Variants in SASH1 observed in about 807,000 individuals in gnomAD.
SASH1 encodes SAM and SH3 domain containing 1.
A neutral mutation model predicts 125.2 loss-of-function variants in SASH1; 44 were observed. The ratio of observed to expected loss-of-function variants is 0.35; its 90% CI spans 0.28 to 0.45. SASH1 has a LOEUF of 0.45. Among genes scored for constraint, SASH1 ranks in the 20% least tolerant of loss-of-function variants. The probability of loss-of-function intolerance (pLI) is 1.00; values close to 1 mark genes in which losing one functional copy is unlikely to be tolerated. For missense variants in SASH1, 1,426 were observed against 1,614.5 expected (o/e 0.88, Z 2.00); for synonymous variants, 639 against 649.1 (o/e 0.98, Z 0.24).
chr6:148,369,971 A>AAC lies in SASH1; in HGVS notation c.157-20162_157-20161insCA, dbSNP rs1782645603. On this transcript the variant is annotated intron_variant, in intron 1 of 19. Coordinates refer to ENST00000367467, the MANE Select transcript of SASH1 (RefSeq NM_015278.5). ...TGTCTCAAAAAAAAGAAAAACAAAA[A>AAC]AAAAAAAAAAAAAAAGGAAAGAAAA... Among the ~76,000 whole-genome samples, 5 of 149,056 alleles carry AAC rather than the reference A, an allele frequency of 3.4e-5. No homozygotes were observed. In the South Asian group the frequency reaches 1.1e-3, roughly 32 times the overall value.
chr6:148,238,487 G>A, the SASH1 span, among the ~76,000 whole-genome samples: 1 of 152,090 alleles, frequency 6.6e-6, no homozygotes, highest in Admixed American at 6.5e-5. Flanking sequence ...GCCTCCCAAA[G>A]TGCTGGGATT....
chr6:148,224,331 T>A, the SASH1 span, among the ~76,000 whole-genome samples: 1 of 151,618 alleles, frequency 6.6e-6, no homozygotes, highest in East Asian at 1.9e-4. Context: ...GTTGCCTTGA[T>A]GCCTTGATGA....
chr6:148,548,008 A>G (rs1463049395), intron 19 of SASH1, among the ~76,000 whole-genome samples: 2 of 152,228 alleles, frequency 1.3e-5, no homozygotes, highest in African/African-American at 4.8e-5. Context: ...GTGAAACAAA[A>G]TAGCAGAATA....
At chr6:148,411,689 A>G (rs1203632316) in intron 2 of SASH1, among the ~76,000 whole-genome samples, 1 of 152,034 alleles carries the variant, frequency 6.6e-6, no homozygotes, top group Non-Finnish European at 1.5e-5. Context: ...GATTATAGGC[A>G]TACACCACTA....
At chr6:148,352,040 A>G (rs968602628) in intron 1 of SASH1, among the ~76,000 whole-genome samples, 15 of 152,188 alleles carry the variant, frequency 9.9e-5, no homozygotes, top group Admixed American at 9.8e-4. Context: ...AAGAGTAACA[A>G]CCTTAATCTG....
intron 1 of SASH1, among the ~76,000 whole-genome samples, chr6:148,363,799 T>G (rs1463868337): frequency 6.6e-6 from 1 of 152,080 alleles, no homozygotes; most frequent in Non-Finnish European, 1.5e-5. Flanking sequence ...CTTACAAGAT[T>G]TGGAGAGTCA....
chr6:148,436,403 G>A (rs1466516408), intron 2 of SASH1, among the ~76,000 whole-genome samples: 1 of 152,048 alleles, frequency 6.6e-6, no homozygotes, highest in Non-Finnish European at 1.5e-5. Flanking sequence ...TACCTGGGAG[G>A]CTGAGGTGGA....
intron 8 of SASH1, chr6:148,508,807 A>T: frequency 2.8e-6 from 2 of 712,124 alleles, no homozygotes; most frequent in Non-Finnish European, 4.1e-6. Flanking sequence ...ACGCTCTCCG[A>T]GTGGGGAGGG....
the SASH1 span, among the ~76,000 whole-genome samples, chr6:148,261,804 C>T: frequency 5.3e-5 from 8 of 152,048 alleles, no homozygotes; most frequent in Non-Finnish European, 8.8e-5. Flanking sequence ...ATCAGTCAAA[C>T]AAGGAGTAGA....
intron 4 of SASH1, among the ~76,000 whole-genome samples, chr6:148,445,480 A>G (rs941727588): frequency 2.6e-5 from 4 of 152,238 alleles, no homozygotes; most frequent in African/African-American, 7.2e-5. Flanking sequence ...AAATAGCTTT[A>G]TAACTACAAC....
At chr6:148,506,569 C>A (rs1474179032) in intron 8 of SASH1, among the ~76,000 whole-genome samples, 6 of 152,170 alleles carry the variant, frequency 3.9e-5, no homozygotes, top group African/African-American at 1.2e-4. Context: ...AATACAACCA[C>A]AACGTAAGAA....
chr6:148,375,832 C>G (rs2114764240), intron 1 of SASH1, among the ~76,000 whole-genome samples: 1 of 152,234 alleles, frequency 6.6e-6, no homozygotes, highest in Admixed American at 6.5e-5. Context: ...AGGATGAACG[C>G]AACAGAGTTC....
intron 8 of SASH1, chr6:148,508,593 T>G: frequency 7.1e-6 from 8 of 1,134,002 alleles, no homozygotes; most frequent in Non-Finnish European, 7.7e-6. Flanking sequence ...ATGCCTTTCT[T>G]GCGAGTTATG....
At chr6:148,476,662 A>G (rs1778375233) in intron 7 of SASH1, among the ~76,000 whole-genome samples, 1 of 152,154 alleles carries the variant, frequency 6.6e-6, no homozygotes, top group Admixed American at 6.6e-5. Flanking sequence ...CGTGGGCGAG[A>G]GTGAGAATCC....
At chr6:148,514,242 C>A in intron 8 of SASH1, 82 bp from the exon 9 acceptor site, 1 of 1,526,744 alleles carries the variant, frequency 6.5e-7, no homozygotes. Flanking sequence ...TTCAGACTGG[C>A]AGCAAGGCCG....
At chr6:148,377,942 G>C (rs1782976002) in intron 1 of SASH1, among the ~76,000 whole-genome samples, 2 of 152,168 alleles carry the variant, frequency 1.3e-5, no homozygotes, top group African/African-American at 4.8e-5. Flanking sequence ...AGGAAAATGA[G>C]GCCGTACACA....
chr6:148,465,987 A>G (rs1777820934), intron 4 of SASH1, among the ~76,000 whole-genome samples: 1 of 151,934 alleles, frequency 6.6e-6, no homozygotes, highest in African/African-American at 2.4e-5. Flanking sequence ...GTGTTCATCC[A>G]TGTACCTTAC....
upstream of SASH1, among the ~76,000 whole-genome samples, chr6:148,267,505 A>G (rs996193705): frequency 5.3e-5 from 8 of 151,858 alleles, no homozygotes; most frequent in Non-Finnish European, 1.2e-4. Flanking sequence ...CAGCCTCCCG[A>G]GTAGCTGGGA....
the SASH1 span, among the ~76,000 whole-genome samples, chr6:148,229,357 A>G: frequency 6.6e-6 from 1 of 152,270 alleles, no homozygotes; most frequent in African/African-American, 2.4e-5. Context: ...ATGCTGATGC[A>G]AACTGTATTC....
Sources: gnomAD v4.1 joint callset for allele counts (sites outside exome capture counted in the v4.1 genomes callset) on GRCh38, gnomAD v4.1.1 for gene constraint, MANE v1.5 for transcripts, NCBI Gene and HGNC (gene_info 2026-07-23, HGNC 2026-07-21) for gene names.